The following KIF6 variants were observed in gnomAD, a reference collection of about 807,000 sequenced individuals.
KIF6 encodes kinesin family member 6, also known as kinesin-like protein KIF6.
KIF6 carries 106 observed loss-of-function variants against 112.7 expected under a neutral mutation model. The observed-to-expected ratio is 0.94, with a 90% CI of 0.80 to 1.11. The LOEUF (loss-of-function observed/expected upper bound fraction) is 1.11. Among genes scored for constraint, KIF6 ranks in the 50% least tolerant of loss-of-function variants. The pLI is 0.00. For synonymous variants in KIF6, 339 were observed against 339.9 expected (o/e 1.00, Z 0.03); for missense variants, 929 against 964.0 (o/e 0.96, Z 0.48).
rs1159981074 is a variant in KIF6, at chr6:39,590,462, T to TC, written c.847-4059_847-4058insG. On this transcript the variant is annotated intron_variant, in intron 7 of 22. Transcript: ENST00000287152. ...ATATATATATATATATTTTTTTTTT[T>TC]TTTTTGAGATGGAGGTTTCACTCTT... Among the ~76,000 whole-genome samples, 8 of 144,962 alleles carry TC rather than the reference T, an allele frequency of 5.5e-5. No homozygotes were observed. The East Asian group carries it at 1.6e-3, about 29-fold the overall frequency.
At chr6:39,375,382 T>A (rs763540959) in intron 16 of KIF6, among the ~76,000 whole-genome samples, 26 of 152,210 alleles carry the variant, frequency 1.7e-4, no homozygotes, top group African/African-American at 6.0e-4. Flanking sequence ...GGTGAGGCAA[T>A]GAATATGTTA....
Position 39,348,354 on chromosome 6 carries a change from C to G in KIF6, c.2181-1828G>C, listed in dbSNP as rs367831819. Among the ~76,000 whole-genome samples, 10 of 152,146 alleles carry G rather than the reference C, an allele frequency of 6.6e-5. No homozygotes were observed. In the East Asian group the frequency reaches 1.7e-3, roughly 27 times the overall value. ...GCAGGGTAGAAGGGCACGATCACACCGTGGCCAATAGGGGCATCTAGTACT... is the reference window on the plus strand; with the variant it reads ...GCAGGGTAGAAGGGCACGATCACACGGTGGCCAATAGGGGCATCTAGTACT... On this transcript the variant is annotated intron_variant, in intron 19 of 22. Coordinates refer to ENST00000287152, the MANE Select transcript of KIF6 (RefSeq NM_145027.6).
At chr6:39,499,885 C>A (rs954356149) in intron 13 of KIF6, among the ~76,000 whole-genome samples, 1 of 152,190 alleles carries the variant, frequency 6.6e-6, no homozygotes, top group African/African-American at 2.4e-5. Context: ...TATAAGCTCC[C>A]TATCACAAGA....
At chr6:39,345,436 C>T (rs1211635824) in intron 21 of KIF6, among the ~76,000 whole-genome samples, 1 of 152,234 alleles carries the variant, frequency 6.6e-6, no homozygotes, top group East Asian at 1.9e-4. Flanking sequence ...TTTCTGGCCC[C>T]CAGGTACGTC....
intron 3 of KIF6, among the ~76,000 whole-genome samples, chr6:39,688,643 A>G (rs1788006546): frequency 1.3e-5 from 2 of 152,208 alleles, no homozygotes. Context: ...AAGCTGCCAC[A>G]GCATTTGTAA....
At chr6:39,640,300 T>C (rs1463230825) in intron 3 of KIF6, among the ~76,000 whole-genome samples, 2 of 152,118 alleles carry the variant, frequency 1.3e-5, no homozygotes, top group African/African-American at 4.8e-5. Context: ...AGTCCATATA[T>C]ATTCTTCAGC....
chr6:39,714,189 A>G (rs541092943), intron 3 of KIF6, among the ~76,000 whole-genome samples: 1 of 152,284 alleles, frequency 6.6e-6, no homozygotes, highest in Non-Finnish European at 1.5e-5. Context: ...AGCAGCCTAG[A>G]ATTAGCTAGA....
chr6:39,588,309 G>A (rs753021960), intron 7 of KIF6, among the ~76,000 whole-genome samples: 9 of 152,112 alleles, frequency 5.9e-5, no homozygotes, highest in Non-Finnish European at 8.8e-5. Flanking sequence ...TGCCTCCTGG[G>A]TTCAAGTGAG....
At chr6:39,701,604 CA>C (rs1185459992) in intron 3 of KIF6, among the ~76,000 whole-genome samples, 1 of 152,226 alleles carries the variant, frequency 6.6e-6, no homozygotes, top group South Asian at 2.1e-4. Flanking sequence ...TTAAGAATTT[CA>C]AGACAGCAAC....
At chr6:39,659,619 C>T (rs1241885370) in intron 3 of KIF6, among the ~76,000 whole-genome samples, 1 of 152,144 alleles carries the variant, frequency 6.6e-6, no homozygotes. Flanking sequence ...TGAATGAGTT[C>T]TCATAAGATC....
intron 16 of KIF6, among the ~76,000 whole-genome samples, chr6:39,380,102 A>G (rs1766792167): frequency 6.6e-6 from 1 of 152,238 alleles, no homozygotes; most frequent in Admixed American, 6.5e-5. Context: ...TAAAGTGGTA[A>G]AAACACACAC....
At chr6:39,702,569 C>T (rs2113840264) in intron 3 of KIF6, among the ~76,000 whole-genome samples, 1 of 152,252 alleles carries the variant, frequency 6.6e-6, no homozygotes, top group Admixed American at 6.5e-5. Context: ...ATTGCTGTGC[C>T]TGAAATTGGA....
chr6:39,337,191 C>CTTTCTTTCTT (rs1763038486), intron 22 of KIF6, among the ~76,000 whole-genome samples: 2 of 88,282 alleles, frequency 2.3e-5, no homozygotes, highest in African/African-American at 1.7e-4. Flanking sequence ...TTCTTTCTTT[C>CTTTCTTTCTT]TTTCTTTCTT....
intron 3 of KIF6, among the ~76,000 whole-genome samples, chr6:39,646,221 A>G (rs1405183010): frequency 6.6e-6 from 1 of 151,876 alleles, no homozygotes; most frequent in African/African-American, 2.4e-5. Flanking sequence ...AAATGAAAGT[A>G]ATCAACAACA....
chr6:39,490,797 C>T (rs1368395741), intron 13 of KIF6, among the ~76,000 whole-genome samples: 1 of 151,952 alleles, frequency 6.6e-6, no homozygotes, highest in Non-Finnish European at 1.5e-5. Flanking sequence ...CAAAACAAAA[C>T]TTCATCTGAG....
rs559126312 is a variant in KIF6 at position 39,525,723 on chromosome 6, C to T, written c.1645+14280G>A. Among the ~76,000 whole-genome samples the T allele has an allele frequency of 3.9e-5, 6 of 152,108 alleles. No homozygotes were observed. In the East Asian group the frequency reaches 5.8e-4, roughly 15 times the overall value. ...AGGAGAATCCCTTGAACCTGGGAGG[C>T]GTAAGTTGCAGTGAGCCGAGATGGC... On this transcript the variant is annotated intron_variant, in intron 13 of 22. Transcript: ENST00000287152.
intron 14 of KIF6, among the ~76,000 whole-genome samples, chr6:39,427,268 G>A (rs938946020): frequency 2.0e-5 from 3 of 152,154 alleles, no homozygotes; most frequent in Non-Finnish European, 2.9e-5. Flanking sequence ...GTGTGGAAGG[G>A]GCCCGGGTTA....
rs556584548 is a variant in KIF6 at position 39,575,460 on chromosome 6, A to AC, written c.1181+2595_1181+2596insG. On this transcript the variant is annotated intron_variant, in intron 10 of 22. Transcript: ENST00000287152. ...TAATTTTTTTGTATTTTTAGTAGAG[A>AC]TGGGTTTCACCATGTTGGCCAGGAT... Among the ~76,000 whole-genome samples, 197 of 151,830 alleles carry AC rather than the reference A, an allele frequency of 1.3e-3. 3 individuals are homozygous for AC. In the East Asian group the frequency reaches 0.031, roughly 24 times the overall value.
chr6:39,683,508 G>C (rs1945803222), intron 3 of KIF6, among the ~76,000 whole-genome samples: 1 of 152,174 alleles, frequency 6.6e-6, no homozygotes, highest in South Asian at 2.1e-4. Flanking sequence ...TACCCAAGTG[G>C]AGATGTCAAG....
Sources: allele counts gnomAD v4.1 joint callset (sites outside exome capture counted in the v4.1 genomes callset), GRCh38; gene constraint gnomAD v4.1.1; transcripts MANE v1.5; gene names NCBI Gene and HGNC (gene_info 2026-07-23, HGNC 2026-07-21).